ZFAND3: variants seen among roughly 807,000 people sequenced by gnomAD.
The protein encoded by ZFAND3 is zinc finger AN1-type containing 3.
In ZFAND3, 10 loss-of-function variants were observed where a neutral mutation model predicts 29.6. The ratio of observed to expected loss-of-function variants is 0.34; its 90% CI spans 0.21 to 0.57. The LOEUF (loss-of-function observed/expected upper bound fraction) is 0.57. Among genes scored for constraint, ZFAND3 ranks in the 20% least tolerant of loss-of-function variants. ZFAND3 has a pLI of 0.86. For synonymous variants in ZFAND3, 128 were observed against 112.6 expected, an observed-to-expected ratio of 1.14 and a Z score of -0.87; for missense variants, 230 against 304.5, an observed-to-expected ratio of 0.76 and a Z score of 1.82.
chr6:37,958,029 T>TC (rs1246053437), intron 2 of ZFAND3, among the ~76,000 whole-genome samples: 1 of 152,240 alleles, frequency 6.6e-6, no homozygotes, highest in Non-Finnish European at 1.5e-5. Flanking sequence ...GATTTTTTTT[T>TC]CTTGGAAAGA....
chr6:37,938,092 C>T (rs1035962781), intron 2 of ZFAND3, among the ~76,000 whole-genome samples: 2 of 152,196 alleles, frequency 1.3e-5, no homozygotes, highest in African/African-American at 2.4e-5. Flanking sequence ...CTTGTATTTA[C>T]ACTTTTTATT....
At chr6:38,093,377 A>G (rs1331622979) in intron 4 of ZFAND3, among the ~76,000 whole-genome samples, 1 of 152,200 alleles carries the variant, frequency 6.6e-6, no homozygotes, top group Non-Finnish European at 1.5e-5. Flanking sequence ...TAGGAAGAAA[A>G]CTTGATTGAA....
chr6:38,108,907 G>A (rs186655697), intron 4 of ZFAND3, among the ~76,000 whole-genome samples: 92 of 152,202 alleles, frequency 6.0e-4, no homozygotes, highest in Non-Finnish European at 1.1e-3. Flanking sequence ...GTACACAGGC[G>A]CTTAGTGTAT....
chr6:37,925,338 T>A (rs1040904950), intron 1 of ZFAND3, among the ~76,000 whole-genome samples: 14 of 152,066 alleles, frequency 9.2e-5, no homozygotes, highest in African/African-American at 3.4e-4. Flanking sequence ...AGATTTGAGA[T>A]CTATTTGTAA....
intron 1 of ZFAND3, among the ~76,000 whole-genome samples, chr6:37,840,271 G>A (rs1764048394): frequency 6.6e-6 from 1 of 151,990 alleles, no homozygotes; most frequent in South Asian, 2.1e-4. Context: ...CTAATTTTTT[G>A]TATTTTTGGT....
chr6:37,938,466 T>C (rs1002593213), intron 2 of ZFAND3, among the ~76,000 whole-genome samples: 1 of 152,212 alleles, frequency 6.6e-6, no homozygotes, highest in Non-Finnish European at 1.5e-5. Context: ...TCAGTGGCCA[T>C]TTTTATACCA....
chr6:37,821,013 T>C (rs573400788), intron 1 of ZFAND3, among the ~76,000 whole-genome samples: 7 of 152,338 alleles, frequency 4.6e-5, no homozygotes, highest in South Asian at 2.1e-4. Context: ...CCCTTTTCTC[T>C]TTTATCGTTT....
At chr6:37,920,052 CT>C (rs11389241) in intron 1 of ZFAND3, among the ~76,000 whole-genome samples, 4,599 of 93,300 alleles carry the variant, frequency 0.049, 63 homozygotes, top group Admixed American at 0.13. Flanking sequence ...TTTTTTGAAG[CT>C]TTTTTTTTTT....
intron 1 of ZFAND3, among the ~76,000 whole-genome samples, chr6:37,828,091 A>G (rs767460522): frequency 7.2e-5 from 11 of 152,216 alleles, no homozygotes; most frequent in Non-Finnish European, 1.3e-4. Flanking sequence ...GGACTCTTAC[A>G]CACTGATAAG....
rs111851084 is a variant in ZFAND3, at chr6:37,873,134, G to C, written c.71+53118G>C. ...ACCCCCCAAAAAATTAGCCAGGCGC[G>C]GTGGCGGGTGCCTGTAGTACCAGCT... On this transcript the variant is annotated intron_variant, in intron 1 of 5. Transcript: ENST00000287218. Among the ~76,000 whole-genome samples, 73 of 152,312 alleles carry C rather than the reference G, an allele frequency of 4.8e-4. 1 individual carries two copies. Among genetic ancestry groups the C allele is most frequent in the African/African-American group, 9.9e-4 (41 of 41,574 alleles).
intron 2 of ZFAND3, among the ~76,000 whole-genome samples, chr6:38,045,713 C>T (rs1036492904): frequency 1.3e-5 from 2 of 152,036 alleles, no homozygotes; most frequent in African/African-American, 4.8e-5. Context: ...TAAAAAATAT[C>T]ATATATAGAT....
chr6:38,116,479 G>A, intron 4 of ZFAND3, 93 bp from the exon 5 acceptor site: 1 of 1,431,154 alleles, frequency 7.0e-7, no homozygotes, highest in Non-Finnish European at 9.5e-7. Flanking sequence ...AAGGGCAGTA[G>A]CCTGGTCAGG....
intron 2 of ZFAND3, among the ~76,000 whole-genome samples, chr6:37,987,078 T>A (rs1204169838): frequency 5.3e-5 from 8 of 152,170 alleles, no homozygotes; most frequent in Non-Finnish European, 1.2e-4. Flanking sequence ...TAGGCTGGAG[T>A]GGGACTTTAC....
intron 1 of ZFAND3, among the ~76,000 whole-genome samples, chr6:37,922,193 G>GT (rs1433027655): frequency 6.6e-6 from 1 of 152,078 alleles, no homozygotes; most frequent in African/African-American, 2.4e-5. Context: ...TTTTCATCTA[G>GT]TAAGGTCTCC....
chr6:37,919,793 C>A (rs904612856), intron 1 of ZFAND3, among the ~76,000 whole-genome samples: 4 of 152,172 alleles, frequency 2.6e-5, no homozygotes. Flanking sequence ...CGAATCCTCC[C>A]CTTTTTATAA....
Position 37,823,812 on chromosome 6 carries a change from AG to A in ZFAND3, c.71+3798del, listed in dbSNP as rs1763710554. 5.3e-5 allele frequency among the ~76,000 whole-genome samples: 8 copies of A among 150,418 alleles called. No homozygotes were observed. In the South Asian group the frequency reaches 1.7e-3, roughly 32 times the overall value. On this transcript the variant is annotated intron_variant, in intron 1 of 5. Coordinates refer to ENST00000287218, the MANE Select transcript of ZFAND3 (RefSeq NM_021943.3). ...TTTGTATTTTTTTTTGGGGGGGGGT[AG>A]GAAGTTTTGCTCTCATTACTCAGGC...
At chr6:37,896,554 C>CTTTCTTTCTTTCT (rs1554153846) in intron 1 of ZFAND3, among the ~76,000 whole-genome samples, 4,250 of 137,748 alleles carry the variant, frequency 0.031, 123 homozygotes, top group African/African-American at 0.06. Flanking sequence ...TTCTTTCTTT[C>CTTTCTTTCTTTCT]TTTCTTTCTT....
chr6:37,844,106 G>A (rs1764132261), intron 1 of ZFAND3, among the ~76,000 whole-genome samples: 1 of 150,770 alleles, frequency 6.6e-6, no homozygotes, highest in African/African-American at 2.4e-5. Flanking sequence ...TCTTTTTTTT[G>A]TGAAGACAGG....
chr6:38,121,022 C>G (rs539114570), intron 5 of ZFAND3, among the ~76,000 whole-genome samples: 1 of 152,174 alleles, frequency 6.6e-6, no homozygotes, highest in Non-Finnish European at 1.5e-5. Flanking sequence ...GCTAGAAATA[C>G]AGAATCTAAG....
Sources: allele counts gnomAD v4.1 joint callset (sites outside exome capture counted in the v4.1 genomes callset), GRCh38; gene constraint gnomAD v4.1.1; transcripts MANE v1.5; gene names NCBI Gene and HGNC (gene_info 2026-07-23, HGNC 2026-07-21).